Variants in ARL6 observed in about 807,000 individuals in gnomAD.
ARL6 encodes the protein ARF like GTPase 6, also known as ADP-ribosylation factor-like protein 6.
ARL6 carries 18 observed loss-of-function variants against 27.1 expected under a neutral mutation model. The ratio of observed to expected loss-of-function variants is 0.66; its 90% CI spans 0.46 to 0.98. The LOEUF (loss-of-function observed/expected upper bound fraction) is 0.98. Among genes scored for constraint, ARL6 ranks in the 50% least tolerant of loss-of-function variants. The pLI is 0.00. For synonymous variants in ARL6, 65 were observed against 72.3 expected, an observed-to-expected ratio of 0.90 and a Z score of 0.51; for missense variants, 187 against 214.9, an observed-to-expected ratio of 0.87 and a Z score of 0.81.
chr3:97,790,715 GT>G (rs2037692123), intron 6 of ARL6, among the ~76,000 whole-genome samples: 1 of 151,906 alleles, frequency 6.6e-6, no homozygotes, highest in South Asian at 2.1e-4. Flanking sequence ...ATCTCATGTT[GT>G]TTGTTTCTTT....
At chr3:97,794,663 T>C (rs2037915274) in intron 7 of ARL6, among the ~76,000 whole-genome samples, 1 of 152,252 alleles carries the variant, frequency 6.6e-6, no homozygotes. Context: ...AAGTTCTTTA[T>C]GTGAATGTAG....
intron 6 of ARL6, among the ~76,000 whole-genome samples, 171 bp downstream of exon 6, chr3:97,788,290 T>C (rs1229841577): frequency 1.3e-5 from 2 of 152,204 alleles, no homozygotes; most frequent in Admixed American, 6.5e-5. Context: ...AATATATTAC[T>C]GTTAAAAACC....
chr3:97,794,110 G>A (rs75354869), intron 7 of ARL6, among the ~76,000 whole-genome samples: 4,303 of 151,886 alleles, frequency 0.028, 193 homozygotes, highest in African/African-American at 0.098. Context: ...TGGAAACTAA[G>A]CCACAGGATA....
At chr3:97,766,548 A>C (rs1368439575) in intron 1 of ARL6, 2 of 152,204 alleles carry the variant, frequency 1.3e-5, no homozygotes, top group African/African-American at 4.8e-5. Flanking sequence ...TCTGCACATC[A>C]CTGAAATTTA....
chr3:97,775,374 T>C (rs2036842524), intron 2 of ARL6, among the ~76,000 whole-genome samples: 1 of 152,082 alleles, frequency 6.6e-6, no homozygotes, highest in South Asian at 2.1e-4. Context: ...ACTGAAGAAC[T>C]TGAAGTCTGA....
chr3:97,787,838 C>G (rs894032636), intron 5 of ARL6, 152 bp from the exon 6 acceptor site: 16 of 755,104 alleles, frequency 2.1e-5, no homozygotes, highest in Non-Finnish European at 3.3e-5. Context: ...ACATGCCTAA[C>G]AGTGTGACAG....
intron 2 of ARL6, among the ~76,000 whole-genome samples, chr3:97,775,262 A>G (rs571780374): frequency 6.6e-6 from 1 of 152,176 alleles, no homozygotes; most frequent in South Asian, 2.1e-4. Context: ...AGATATACAT[A>G]TAAAGGGGAG....
chr3:97,785,758 A>G (rs951906010), intron 5 of ARL6, among the ~76,000 whole-genome samples: 4 of 152,118 alleles, frequency 2.6e-5, no homozygotes, highest in Admixed American at 2.6e-4. Context: ...CTCCCGCCCA[A>G]GCCCCCACTA....
rs560007553 is a variant in ARL6, at chr3:97,776,688, G to C, written c.124-3471G>C. Among the ~76,000 whole-genome samples, 12 of 151,798 alleles carry C rather than the reference G, an allele frequency of 7.9e-5. 1 individual carries two copies. The East Asian group carries it at 2.3e-3, about 29-fold the overall frequency. Reference sequence around the variant, plus strand: ...TTTTTTTTTTTTGAGACAGGGTCTGGCTCTGTCACCCAGGCTGGAGTGCAG... The same window carrying C: ...TTTTTTTTTTTTGAGACAGGGTCTGCCTCTGTCACCCAGGCTGGAGTGCAG... On this transcript the variant is annotated intron_variant, in intron 2 of 7. Transcript: ENST00000463745.
intron 7 of ARL6, chr3:97,793,420 T>C (rs1235182566): frequency 6.6e-6 from 1 of 152,212 alleles, no homozygotes; most frequent in Non-Finnish European, 1.5e-5. Context: ...TTCAGCCTTA[T>C]TTCATATTTT....
intron 2 of ARL6, among the ~76,000 whole-genome samples, chr3:97,778,025 A>G (rs1481325107): frequency 6.6e-6 from 1 of 152,176 alleles, no homozygotes; most frequent in African/African-American, 2.4e-5. Flanking sequence ...TGCTATTTTA[A>G]TATACATTTT....
rs1334229003 is a variant in ARL6 at position 97,764,785 on chromosome 3, A to C, written c.-220A>C. 1 of 152,268 alleles carries C rather than the reference A, an allele frequency of 6.6e-6. No homozygotes were observed. The highest frequency in any genetic ancestry group is 6.5e-5 in the Admixed American group (1 of 15,288). 9.4% of individuals were successfully genotyped at this position (152,268 alleles called of 1,614,324 possible). On this transcript the variant is annotated 5_prime_UTR_variant, in exon 1 of 8. Coordinates refer to ENST00000463745, the MANE Select transcript of ARL6 (RefSeq NM_001278293.3). ...GGCGCCTGCTCAGCGACTGATGCAC[A>C]GACTGCTGCAGAGGCTGCCGGTTTT...
chr3:97,769,431 C>A (rs1354743371), intron 2 of ARL6, among the ~76,000 whole-genome samples: 2 of 151,906 alleles, frequency 1.3e-5, no homozygotes, highest in East Asian at 3.9e-4. Context: ...TTTATTGATA[C>A]AAATTTAGGG....
intron 2 of ARL6, among the ~76,000 whole-genome samples, chr3:97,777,272 G>A (rs1387521334): frequency 1.3e-5 from 2 of 152,122 alleles, no homozygotes; most frequent in East Asian, 1.9e-4. Flanking sequence ...GTTTATGTTG[G>A]TGTATCCTTG....
intron 6 of ARL6, among the ~76,000 whole-genome samples, chr3:97,789,553 A>G (rs1483017359): frequency 3.3e-5 from 5 of 152,124 alleles, no homozygotes; most frequent in Non-Finnish European, 7.4e-5. Context: ...TGAGAAAAAA[A>G]GTAATATCCT....
Position 97,775,289 on chromosome 3 carries a change from A to C in ARL6, c.124-4870A>C, listed in dbSNP as rs552530158. Among the ~76,000 whole-genome samples, 8 of 152,312 alleles carry C rather than the reference A, an allele frequency of 5.3e-5. No individual in the cohort carries two copies. In the South Asian group the frequency reaches 1.2e-3, roughly 24 times the overall value. Reference sequence around the variant, plus strand: ...AAAGGGGAGTTTATTAAGTAGTATTAACTCACGTGATCACAGAGTCCCACA... The same window carrying C: ...AAAGGGGAGTTTATTAAGTAGTATTCACTCACGTGATCACAGAGTCCCACA... On this transcript the variant is annotated intron_variant, in intron 2 of 7. Coordinates refer to ENST00000463745, the MANE Select transcript of ARL6 (RefSeq NM_001278293.3).
At chr3:97,779,619 C>T (rs1448373616) in intron 2 of ARL6, among the ~76,000 whole-genome samples, 1 of 152,158 alleles carries the variant, frequency 6.6e-6, no homozygotes, top group East Asian at 1.9e-4. Context: ...GTAATCCCAG[C>T]ACTTTGGGAG....
At chr3:97,784,883 T>C in intron 4 of ARL6, 72 bp from the exon 5 acceptor site, 4 of 1,042,370 alleles carry the variant, frequency 3.8e-6, no homozygotes, top group Non-Finnish European at 5.9e-6. Flanking sequence ...GGTTAGGAAA[T>C]GCCCATGGAT....
At chr3:97,777,440 AATC>A (rs1214656835) in intron 2 of ARL6, among the ~76,000 whole-genome samples, 4 of 152,224 alleles carry the variant, frequency 2.6e-5, no homozygotes, top group African/African-American at 9.6e-5. Flanking sequence ...GTATACCTTA[AATC>A]ATCTCTAGAT....
Sources: allele counts gnomAD v4.1 joint callset (sites outside exome capture counted in the v4.1 genomes callset), GRCh38; gene constraint gnomAD v4.1.1; transcripts MANE v1.5; gene names NCBI Gene and HGNC (gene_info 2026-07-23, HGNC 2026-07-21).